Variants in AGTPBP1 observed in about 807,000 individuals in gnomAD.
AGTPBP1 encodes cytosolic carboxypeptidase 1.
Under a neutral mutation model 143.9 loss-of-function variants are expected in AGTPBP1, and 70 were observed. The ratio of observed to expected loss-of-function variants is 0.49; its 90% confidence interval spans 0.40 to 0.59. The LOEUF is 0.59. Ranked by LOEUF, AGTPBP1 falls within the 20% of genes least tolerant of loss-of-function variation. The pLI, the probability that AGTPBP1 is intolerant of heterozygous loss-of-function variation, is 0.00. For missense variants in AGTPBP1, 1,229 were observed against 1,464.5 expected, an observed-to-expected ratio of 0.84 and a Z score of 2.62; for synonymous variants, 463 against 500.2, an observed-to-expected ratio of 0.93 and a Z score of 0.99.
chr9:85,649,209 T>C (rs961544637), intron 11 of AGTPBP1, among the ~76,000 whole-genome samples: 4 of 152,198 alleles, frequency 2.6e-5, no homozygotes, highest in Admixed American at 6.5e-5. Flanking sequence ...AGTAGGACAC[T>C]AGTTAGATAA....
At chr9:85,708,552 G>GT (rs1018214215) in intron 2 of AGTPBP1, among the ~76,000 whole-genome samples, 2 of 152,118 alleles carry the variant, frequency 1.3e-5, no homozygotes, top group Non-Finnish European at 2.9e-5. Flanking sequence ...TTGTTTGTTT[G>GT]TTTTTTGAGA....
rs1277209318 is a variant in AGTPBP1 at position 85,607,159 on chromosome 9, T to C, written c.2336-10710A>G. Among the ~76,000 whole-genome samples, 3 of 152,006 alleles carry C rather than the reference T, an allele frequency of 2.0e-5. No homozygotes were observed. In the East Asian group the frequency reaches 5.8e-4, roughly 29 times the overall value. On this transcript the variant is annotated intron_variant, in intron 17 of 25. Coordinates refer to ENST00000357081, the MANE Select transcript of AGTPBP1 (RefSeq NM_001330701.2). ...TCTATACATGTAACAAAATATCACATATACCCCATAAATATGTGCAAATAT... is the reference window on the plus strand; with the variant it reads ...TCTATACATGTAACAAAATATCACACATACCCCATAAATATGTGCAAATAT...
chr9:85,712,941 G>A (rs1396726258), intron 1 of AGTPBP1, among the ~76,000 whole-genome samples: 1 of 152,062 alleles, frequency 6.6e-6, no homozygotes. Flanking sequence ...TGCACTTACT[G>A]TACACCATTC....
intron 5 of AGTPBP1, among the ~76,000 whole-genome samples, chr9:85,677,918 C>A: frequency 6.6e-6 from 1 of 152,130 alleles, no homozygotes. Context: ...GCAGGAGAAT[C>A]TCTTGAACCT....
chr9:85,777,580 A>G, the AGTPBP1 span, among the ~76,000 whole-genome samples: 1 of 152,172 alleles, frequency 6.6e-6, no homozygotes, highest in African/African-American at 2.4e-5. Context: ...TATCCACAGA[A>G]TGGGTTATCA....
the AGTPBP1 span, chr9:85,773,741 G>T: frequency 1.5e-6 from 1 of 678,482 alleles, no homozygotes; most frequent in South Asian, 1.9e-5. Context: ...ACACTATGGA[G>T]ATTAAGGAAG....
the AGTPBP1 span, among the ~76,000 whole-genome samples, chr9:85,800,258 C>G: frequency 1.3e-5 from 2 of 152,160 alleles, no homozygotes; most frequent in African/African-American, 4.8e-5. Context: ...ATAGGGGAGG[C>G]AGGATCTCAT....
intron 14 of AGTPBP1, among the ~76,000 whole-genome samples, chr9:85,627,673 G>C (rs543244396): frequency 2.6e-5 from 4 of 152,170 alleles, no homozygotes; most frequent in Non-Finnish European, 5.9e-5. Context: ...TGCCCCTGCT[G>C]AGACAGGCAG....
chr9:85,763,308 A>C, the AGTPBP1 span, among the ~76,000 whole-genome samples: 9 of 152,124 alleles, frequency 5.9e-5, no homozygotes, highest in African/African-American at 2.2e-4. Flanking sequence ...CCAACATGGA[A>C]ATTCTCAGGA....
rs1157372075 is a variant in AGTPBP1 at position 85,707,841 on chromosome 9, C to T, written c.32+4661G>A. Among the ~76,000 whole-genome samples, 4 of 150,880 alleles carry T rather than the reference C, an allele frequency of 2.7e-5. No homozygotes were observed. In the South Asian group the frequency reaches 8.4e-4, roughly 32 times the overall value. On this transcript the variant is annotated intron_variant, in intron 2 of 25. Transcript: ENST00000357081. ...AGAAATGGTTTTTGGCATGTTCTCACTCATAAGTGGCAGTTGAACAATAAG... is the reference window on the plus strand; with the variant it reads ...AGAAATGGTTTTTGGCATGTTCTCATTCATAAGTGGCAGTTGAACAATAAG...
chr9:85,718,816 T>C (rs1837899332), intron 1 of AGTPBP1, among the ~76,000 whole-genome samples: 1 of 152,204 alleles, frequency 6.6e-6, no homozygotes, highest in South Asian at 2.1e-4. Flanking sequence ...TACACTTAAG[T>C]CTTTAAACCA....
chr9:85,766,038 A>G, the AGTPBP1 span, among the ~76,000 whole-genome samples: 1 of 152,028 alleles, frequency 6.6e-6, no homozygotes, highest in Non-Finnish European at 1.5e-5. Flanking sequence ...ATTTGAAGAC[A>G]TGAGAGCCTA....
intron 4 of AGTPBP1, among the ~76,000 whole-genome samples, chr9:85,680,713 A>G (rs1835116096): frequency 6.6e-6 from 1 of 152,214 alleles, no homozygotes; most frequent in Non-Finnish European, 1.5e-5. Flanking sequence ...ATTGAAGAAC[A>G]TGAATTCATT....
chr9:85,730,746 T>G (rs12001865), intron 1 of AGTPBP1, among the ~76,000 whole-genome samples: 2 of 152,214 alleles, frequency 1.3e-5, no homozygotes, highest in Admixed American at 1.3e-4. Flanking sequence ...TCTATCTTAG[T>G]CCTGGGATAG....
intron 13 of AGTPBP1, among the ~76,000 whole-genome samples, chr9:85,641,704 CT>C (rs533296927): frequency 3.1e-3 from 447 of 144,580 alleles, no homozygotes; most frequent in African/African-American, 3.2e-3. Flanking sequence ...ATAAATGTTT[CT>C]TTTTTTTTTT....
chr9:85,592,424 A>C, intron 19 of AGTPBP1, 136 bp downstream of exon 19: 1 of 579,706 alleles, frequency 1.7e-6, no homozygotes, highest in East Asian at 3.5e-5. Context: ...CAATTAGTAT[A>C]ATTATCCTTA....
At chr9:85,553,802 G>A (rs1221925590) in intron 25 of AGTPBP1, 3 of 152,130 alleles carry the variant, frequency 2.0e-5, no homozygotes, top group Non-Finnish European at 2.9e-5. Flanking sequence ...TACAATAAAG[G>A]AACGTGAATT....
At chr9:85,609,902 C>A (rs976446380) in intron 17 of AGTPBP1, among the ~76,000 whole-genome samples, 1 of 152,252 alleles carries the variant, frequency 6.6e-6, no homozygotes, top group African/African-American at 2.4e-5. Context: ...TAGATAGTCT[C>A]AAAGTACCTC....
At chr9:85,760,235 T>C in the AGTPBP1 span, among the ~76,000 whole-genome samples, 5 of 151,972 alleles carry the variant, frequency 3.3e-5, no homozygotes, top group Admixed American at 1.3e-4. Flanking sequence ...TTCCAATCAA[T>C]AGAAAAAGAG....
Sources: gnomAD v4.1 joint callset for allele counts (sites outside exome capture counted in the v4.1 genomes callset) on GRCh38, gnomAD v4.1.1 for gene constraint, MANE v1.5 for transcripts, NCBI Gene and HGNC (gene_info 2026-07-23, HGNC 2026-07-21) for gene names.